Variants in BAG6 observed in about 807,000 individuals in gnomAD.
The protein encoded by BAG6 is BAG cochaperone 6, also known as large proline-rich protein BAG6.
BAG6 carries 22 observed loss-of-function variants against 121.0 expected under a neutral mutation model. That is an observed-to-expected ratio of 0.18 (90% CI 0.13 to 0.26). BAG6 has a LOEUF of 0.26. Ranked by LOEUF, BAG6 falls within the 10% of genes least tolerant of loss-of-function variation. The pLI is 1.00. For synonymous variants in BAG6, 583 were observed against 584.6 expected (o/e 1.00, Z 0.04); for missense variants, 1,233 against 1,537.7 (o/e 0.80, Z 3.31).
chr6:31,647,391 T>A (rs943456924), intron 7 of BAG6, among the ~76,000 whole-genome samples, 200 bp downstream of exon 7: 3 of 152,204 alleles, frequency 2.0e-5, no homozygotes, highest in African/African-American at 7.2e-5. Context: ...TTCCTTGCCG[T>A]AGGGAGAGCA....
chr6:31,640,556 G>A lies in BAG6; in HGVS notation c.2995-28C>T, dbSNP rs373334992. On this transcript the variant is annotated intron_variant, in intron 22 of 25. Coordinates refer to ENST00000676615, the MANE Select transcript of BAG6 (RefSeq NM_001387994.1). The surrounding 1 kb of genome is among the most constrained non-coding windows in gnomAD (Gnocchi z 4.2). ...GGGTGTCAGATGGCGGGAAGAGCCA[G>A]GCTTCAGAATTTTTAGCCTCCAAAC... is the stretch of plus-strand genomic sequence containing the variant. 18 of 1,612,478 alleles carry A rather than the reference G, an allele frequency of 1.1e-5. No homozygotes were observed. Among genetic ancestry groups the A allele is most frequent in the Admixed American group, 1.7e-5 (1 of 59,974 alleles).
At chr6:31,639,785 GT>G in intron 24 of BAG6, 139 bp from the exon 25 acceptor site, 2 of 1,112,672 alleles carry the variant, frequency 1.8e-6, no homozygotes, top group Non-Finnish European at 2.5e-6. Context: ...AGTCCAGGAT[GT>G]GGTTTTTACA....
intron 2 of BAG6, 37 bp downstream of exon 2, chr6:31,651,619 G>A (rs1796864156): frequency 1.3e-6 from 2 of 1,575,302 alleles, no homozygotes; most frequent in African/African-American, 2.7e-5. Context: ...ACGAGGAAAA[G>A]CTAAAGGTGT....
At chr6:31,643,227 C>T (rs1021060750) in intron 14 of BAG6, 112 bp from the exon 15 acceptor site, 1 of 1,091,464 alleles carries the variant, frequency 9.2e-7, no homozygotes, top group Non-Finnish European at 1.3e-6. Context: ...GGAGTCTAGG[C>T]CACATAGCAA....
intron 14 of BAG6, 21 bp downstream of exon 14, chr6:31,643,869 T>C (rs2071150344): frequency 6.2e-7 from 1 of 1,608,808 alleles, no homozygotes; most frequent in Non-Finnish European, 8.5e-7. Context: ...AAACTCTGAG[T>C]GGGGAAGAAT....
chr6:31,649,753 C>G, intron 2 of BAG6, 126 bp from the exon 3 acceptor site: 1 of 779,356 alleles, frequency 1.3e-6, no homozygotes, highest in Admixed American at 2.0e-5. Flanking sequence ...TTGTCTTGAC[C>G]GTGAGATCAT....
intron 5 of BAG6, 39 bp from the exon 6 acceptor site, chr6:31,648,790 G>A (rs1347512239): frequency 6.2e-7 from 1 of 1,611,998 alleles, no homozygotes; most frequent in Non-Finnish European, 8.5e-7. Flanking sequence ...GGTTACAGAT[G>A]AAGCCATGAG....
intron 6 of BAG6, 34 bp downstream of exon 6, chr6:31,648,643 T>G: frequency 6.2e-7 from 1 of 1,602,798 alleles, no homozygotes; most frequent in Non-Finnish European, 8.5e-7. Context: ...AGAGGGAGGG[T>G]GGAGAGAGAC....
intron 6 of BAG6, 133 bp downstream of exon 6, chr6:31,648,544 A>G (rs1221854523): frequency 1.2e-6 from 1 of 816,760 alleles, no homozygotes; most frequent in African/African-American, 1.7e-5. Context: ...GCCCAAAAGA[A>G]TGAATACTGC....
At chr6:31,650,380 GTCCCAGCACAGTGGCTCACACCTGTAA>G (rs1405792813) in intron 2 of BAG6, among the ~76,000 whole-genome samples, 1 of 151,994 alleles carries the variant, frequency 6.6e-6, no homozygotes, top group Middle Eastern at 3.2e-3. Context: ...AGCAAAAAAG[GTCCCAGCACAGTGGCTCACACCTGTAA>G]TCCCAGCACT....
intron 2 of BAG6, 55 bp downstream of exon 2, chr6:31,651,601 G>C (rs1283742499): frequency 6.8e-7 from 1 of 1,472,996 alleles, no homozygotes; most frequent in African/African-American, 1.4e-5. Flanking sequence ...TCAGGCTAAG[G>C]GGCCTAAACG....
In BAG6 at chr6:31,644,876, T is replaced by C. The variant is rs1787296786; in HGVS notation, c.1369+70A>G. 6.5e-7 allele frequency: 1 copy of C among 1,534,530 alleles called. No individual in the cohort carries two copies. The highest frequency in any genetic ancestry group is 8.8e-7 in the Non-Finnish European group (1 of 1,141,502). ...TGTGCCTCTCCCTTCCCCACCCTGT[T>C]CCCTCACACCTCAGCATGAACCTCC... On this transcript the variant is annotated intron_variant, in intron 10 of 25. Coordinates refer to ENST00000676615, the MANE Select transcript of BAG6 (RefSeq NM_001387994.1). The surrounding 1 kb of genome is among the most constrained non-coding windows in gnomAD (Gnocchi z 4.9).
chr6:31,641,765 C>T lies in BAG6; in HGVS notation c.2505+11G>A, dbSNP rs1428594549. On this transcript the variant is annotated intron_variant, in intron 17 of 25. Coordinates refer to ENST00000676615, the MANE Select transcript of BAG6 (RefSeq NM_001387994.1). The surrounding 1 kb of genome is among the most constrained non-coding windows in gnomAD (Gnocchi z 5.7). Reference sequence around the variant, plus strand: ...AAGAGGAGAGTTCTGGGGCCCCTGGCCTTCATTTACCCGGATGTTACTGGG... The same window carrying T: ...AAGAGGAGAGTTCTGGGGCCCCTGGTCTTCATTTACCCGGATGTTACTGGG... 5 of 1,612,558 alleles carry T rather than the reference C, an allele frequency of 3.1e-6. No homozygotes were observed. The highest frequency in any genetic ancestry group is 4.2e-6 in the Non-Finnish European group (5 of 1,179,632).
At chr6:31,648,862 C>A (rs1583433270) in intron 5 of BAG6, 49 bp downstream of exon 5, 1 of 1,568,248 alleles carries the variant, frequency 6.4e-7, no homozygotes, top group African/African-American at 1.4e-5. Flanking sequence ...CACCTCCCAG[C>A]CTCCTTCTCC....
intron 25 of BAG6, 42 bp from the exon 26 acceptor site, chr6:31,639,268 GTCCCCATGA>G (rs765446153): frequency 5.5e-5 from 86 of 1,564,842 alleles, no homozygotes; most frequent in Non-Finnish European, 7.4e-5. Flanking sequence ...CGCTGGCCAA[GTCCCCATGA>G]TCCCAGCAAG....
chr6:31,639,434 C>G, intron 25 of BAG6, 66 bp downstream of exon 25: 1 of 1,564,410 alleles, frequency 6.4e-7, no homozygotes, highest in East Asian at 2.3e-5. Context: ...TGAAGGGATC[C>G]AGGGAAGAGG....
rs1290462845 is a variant in BAG6 at position 31,642,878 on chromosome 6, G to A, written c.1994C>T (p.Ala665Val). 11 of 1,612,084 alleles carry A rather than the reference G, an allele frequency of 6.8e-6. No individual in the cohort carries two copies. The highest frequency in any genetic ancestry group is 2.2e-5 in the East Asian group (1 of 44,800). The stretch of plus-strand genomic sequence containing the variant: ...GAGAAAGGCAGGGACACCAGGCATC[G>A]CCACAGTGATGGTGGGAGAAGCCAC... ...SGVASPTITV[A>V]MPGVPAFLQG... Residue 665 changes from alanine to valine, a missense_variant, in exon 15 of 26, where the codon GCG becomes GTG. This residue lies in a region of BAG6 where 777 missense variants were observed against 861.4 expected (regional missense o/e 0.90). Coordinates refer to ENST00000676615, the MANE Select transcript of BAG6 (RefSeq NM_001387994.1).
Position 31,641,038 on chromosome 6 carries a change from A to G in BAG6, c.2787+66T>C. 6.3e-7 allele frequency: 1 copy of G among 1,598,376 alleles called. No individual in the cohort carries two copies. Among genetic ancestry groups the G allele is most frequent in the Non-Finnish European group, 8.5e-7 (1 of 1,172,344 alleles). On this transcript the variant is annotated intron_variant, in intron 20 of 25. Coordinates refer to ENST00000676615, the MANE Select transcript of BAG6 (RefSeq NM_001387994.1). The surrounding 1 kb of genome is among the most constrained non-coding windows in gnomAD (Gnocchi z 5.7). Reference sequence around the variant, plus strand: ...AATGTCAGTTTAGAAAAGAAAAATGAAAACTGCAGAGAATGGAAACCTCAG... The same window carrying G: ...AATGTCAGTTTAGAAAAGAAAAATGGAAACTGCAGAGAATGGAAACCTCAG...
Position 31,648,967 on chromosome 6 carries a change from G to A in BAG6, c.424-3C>T. The stretch of plus-strand genomic sequence containing the variant: ...ACATCCACAGCAGAGCCGTCACTCT[G>A]GGGAAAGGGTAAGGGAAGTTGTTCT... On this transcript the variant is annotated splice_polypyrimidine_tract_variant and splice_region_variant and intron_variant, in intron 4 of 25. Transcript: ENST00000676615. The A allele has an allele frequency of 6.6e-7, 1 of 1,526,132 alleles. No homozygotes were observed. The highest frequency in any genetic ancestry group is 8.8e-7 in the Non-Finnish European group (1 of 1,140,344). The allele number at this position is 1,526,132 out of a possible 1,614,324, so 94.5% of individuals were successfully genotyped here. A position where few individuals can be genotyped will look rare whatever the true frequency, so the allele number is the denominator to read the frequency against.
Sources: allele counts gnomAD v4.1 joint callset (sites outside exome capture counted in the v4.1 genomes callset), GRCh38; gene constraint gnomAD v4.1.1; regional missense constraint gnomAD v4.1.1; non-coding constraint Gnocchi (gnomAD v3.1); transcripts MANE v1.5; gene names NCBI Gene and HGNC (gene_info 2026-07-23, HGNC 2026-07-21).